G3BP2: variants seen among roughly 807,000 people sequenced by gnomAD.
G3BP2 encodes the protein ras GTPase-activating protein-binding protein 2.
In G3BP2, 11 loss-of-function variants were observed where a neutral mutation model predicts 56.7. That is an observed-to-expected ratio of 0.19 (90% CI 0.12 to 0.32). The LOEUF (loss-of-function observed/expected upper bound fraction) is 0.32, where lower values mean the gene tolerates loss of function less well. G3BP2 is among the 10% of genes least tolerant of loss of function. The pLI is 1.00. For synonymous variants in G3BP2, 165 were observed against 191.6 expected (o/e 0.86, Z 1.15); for missense variants, 340 against 610.9 (o/e 0.56, Z 4.67).
At chr4:75,701,648 A>C (rs541211807) in intron 3 of G3BP2, among the ~76,000 whole-genome samples, 1 of 152,108 alleles carries the variant, frequency 6.6e-6, no homozygotes, top group East Asian at 1.9e-4. Flanking sequence ...GGCTGGTTTC[A>C]AACTCCTGAC....
intron 1 of G3BP2, among the ~76,000 whole-genome samples, chr4:75,666,795 C>T (rs535753303): frequency 9.4e-4 from 143 of 152,248 alleles, no homozygotes; most frequent in Admixed American, 2.2e-3. Flanking sequence ...ACAGGTAATC[C>T]ATTTCTAGAT....
intron 8 of G3BP2, among the ~76,000 whole-genome samples, chr4:75,649,874 G>C (rs1301079939): frequency 6.6e-6 from 1 of 152,046 alleles, no homozygotes; most frequent in Non-Finnish European, 1.5e-5. Context: ...AGCTGGGTGT[G>C]GTGGCAGGCA....
intron 3 of G3BP2, among the ~76,000 whole-genome samples, chr4:75,696,433 A>G (rs1719123795): frequency 6.6e-6 from 1 of 152,292 alleles, no homozygotes; most frequent in South Asian, 2.1e-4. Flanking sequence ...CTTCCTTTTC[A>G]AAGTGGAAGC....
chr4:75,669,889 T>C (rs1040812920), intron 1 of G3BP2, among the ~76,000 whole-genome samples: 2 of 152,134 alleles, frequency 1.3e-5, no homozygotes, highest in Non-Finnish European at 2.9e-5. Flanking sequence ...GGTCAGGAGT[T>C]CGAGACCAGC....
At chr4:75,676,544 T>C (rs1165119717), upstream of G3BP2, among the ~76,000 whole-genome samples, 1 of 152,146 alleles carries the variant, frequency 6.6e-6, no homozygotes, top group Non-Finnish European at 1.5e-5. Flanking sequence ...GGTTTCACCA[T>C]GTTGGCCAGG....
intron 11 of G3BP2, 65 bp downstream of exon 11, chr4:75,646,271 AAT>A: frequency 2.7e-6 from 2 of 747,796 alleles, no homozygotes; most frequent in Non-Finnish European, 4.6e-6. Flanking sequence ...ATGGTTTTTA[AAT>A]ACCCCAAATT....
At chr4:75,668,576 G>A (rs1733242106) in intron 1 of G3BP2, among the ~76,000 whole-genome samples, 2 of 152,148 alleles carry the variant, frequency 1.3e-5, no homozygotes. Flanking sequence ...AGTCACTACA[G>A]GTATTCCAGA....
intron 2 of G3BP2, among the ~76,000 whole-genome samples, chr4:75,659,569 T>C (rs7674328): frequency 0.88 from 133,245 of 152,198 alleles, 58,355 homozygotes; most frequent in East Asian, 0.92. Flanking sequence ...AGCTCAAAGA[T>C]GTGAAGCTAA....
intron 1 of G3BP2, chr4:75,670,459 A>G (rs1733399413): frequency 6.6e-6 from 1 of 152,194 alleles, no homozygotes; most frequent in Admixed American, 6.5e-5. Context: ...ATAAATAATA[A>G]AAGTAAGTTA....
At chr4:75,692,987 C>G (rs967695397) in intron 3 of G3BP2, among the ~76,000 whole-genome samples, 2 of 152,200 alleles carry the variant, frequency 1.3e-5, no homozygotes, top group African/African-American at 4.8e-5. Context: ...TGGCTCACTC[C>G]TGTAATCCCA....
At chr4:75,720,973 CAAAAAAA>C (rs143804378) in intron 2 of G3BP2, among the ~76,000 whole-genome samples, 152 of 69,574 alleles carry the variant, frequency 2.2e-3, no homozygotes, top group Middle Eastern at 0.01. Flanking sequence ...TTCATCTCTA[CAAAAAAA>C]AAAAAAAAAA....
At chr4:75,700,969 G>C (rs922725447) in intron 3 of G3BP2, among the ~76,000 whole-genome samples, 1 of 151,936 alleles carries the variant, frequency 6.6e-6, no homozygotes, top group Non-Finnish European at 1.5e-5. Flanking sequence ...CTCCGGAGTA[G>C]CTGGGATTAC....
chr4:75,661,874 A>T, intron 2 of G3BP2, 57 bp downstream of exon 2: 1 of 840,734 alleles, frequency 1.2e-6, no homozygotes, highest in Non-Finnish European at 2.1e-6. Context: ...AAATATATAT[A>T]GTCATACCCA....
At chr4:75,671,942 G>C (rs186878699) in intron 1 of G3BP2, among the ~76,000 whole-genome samples, 1 of 152,182 alleles carries the variant, frequency 6.6e-6, no homozygotes, top group Non-Finnish European at 1.5e-5. Context: ...TGGAGCTAGA[G>C]AAAAATTGCC....
chr4:75,719,549 T>C (rs1431498198), intron 3 of G3BP2, among the ~76,000 whole-genome samples: 1 of 152,064 alleles, frequency 6.6e-6, no homozygotes, highest in East Asian at 1.9e-4. Flanking sequence ...CTCTGGGCTC[T>C]ATAGCATGTG....
chr4:75,689,058 G>GA (rs563769032), intron 3 of G3BP2, among the ~76,000 whole-genome samples: 3 of 149,118 alleles, frequency 2.0e-5, no homozygotes, highest in African/African-American at 4.9e-5. Flanking sequence ...ATGTGAAAGA[G>GA]AAAAAAAAAA....
At chr4:75,669,657 A>G (rs1234280012) in intron 1 of G3BP2, among the ~76,000 whole-genome samples, 2 of 152,170 alleles carry the variant, frequency 1.3e-5, no homozygotes, top group East Asian at 3.8e-4. Context: ...TTAATCACCT[A>G]ATATTATTCT....
At chr4:75,658,434 A>G (rs1486838432) in intron 3 of G3BP2, among the ~76,000 whole-genome samples, 2 of 148,536 alleles carry the variant, frequency 1.3e-5, no homozygotes, top group African/African-American at 4.9e-5. Flanking sequence ...ATATTGGGGA[A>G]AAAAAAAAAA....
At chr4:75,705,496 T>G (rs1484683221) in intron 3 of G3BP2, among the ~76,000 whole-genome samples, 1 of 152,236 alleles carries the variant, frequency 6.6e-6, no homozygotes, top group East Asian at 1.9e-4. Context: ...TAAAGCTTAT[T>G]TTGAAAAATA....
Sources: allele counts gnomAD v4.1 joint callset (sites outside exome capture counted in the v4.1 genomes callset), GRCh38; gene constraint gnomAD v4.1.1; transcripts MANE v1.5; gene names NCBI Gene and HGNC (gene_info 2026-07-23, HGNC 2026-07-21).